The following SLC2A14 variants were observed in gnomAD, a reference collection of about 807,000 sequenced individuals.
SLC2A14 encodes the protein solute carrier family 2, facilitated glucose transporter member 14.
SLC2A14 carries 13 observed loss-of-function variants against 43.0 expected under a neutral mutation model. The ratio of observed to expected loss-of-function variants is 0.30; its 90% CI spans 0.20 to 0.48. The LOEUF (loss-of-function observed/expected upper bound fraction) is 0.48, where lower values mean the gene tolerates loss of function less well. Ranked by LOEUF, SLC2A14 falls within the 20% of genes least tolerant of loss-of-function variation. The pLI is 0.99. For missense variants in SLC2A14, 428 were observed against 620.4 expected (o/e 0.69, Z 3.29); for synonymous variants, 190 against 233.8 (o/e 0.81, Z 1.71).
intron 2 of SLC2A14, among the ~76,000 whole-genome samples, chr12:7,835,100 TAAAA>T (rs35514872): frequency 6.9e-6 from 1 of 144,074 alleles, no homozygotes. Context: ...GTAGCTCTAT[TAAAA>T]AAAAAAAAAA....
At chr12:7,847,084 CT>C (rs1348022922) in intron 2 of SLC2A14, among the ~76,000 whole-genome samples, 1 of 151,742 alleles carries the variant, frequency 6.6e-6, no homozygotes, top group Non-Finnish European at 1.5e-5. Flanking sequence ...GAAACCCTGT[CT>C]CTACTAAAAA....
intron 2 of SLC2A14, among the ~76,000 whole-genome samples, chr12:7,836,122 T>C (rs1045596055): frequency 2.0e-5 from 3 of 152,162 alleles, no homozygotes; most frequent in Non-Finnish European, 2.9e-5. Flanking sequence ...TAAATCAAAA[T>C]TTGAATCGTG....
chr12:7,872,562 T>C (rs1945294091), intron 1 of SLC2A14, among the ~76,000 whole-genome samples: 1 of 152,124 alleles, frequency 6.6e-6, no homozygotes, highest in Admixed American at 6.6e-5. Context: ...AGGGCTGGGG[T>C]GGCTTCGTTT....
chr12:7,882,411 C>G (rs55681724), intron 1 of SLC2A14, among the ~76,000 whole-genome samples: 3,027 of 152,164 alleles, frequency 0.02, 53 homozygotes, highest in Non-Finnish European at 0.034. Context: ...TAACACTAAC[C>G]GCGAGGGTCC....
chr12:7,879,579 G>A (rs1015085680), intron 1 of SLC2A14, among the ~76,000 whole-genome samples: 18 of 152,098 alleles, frequency 1.2e-4, no homozygotes, highest in Admixed American at 3.3e-4. Context: ...AGCTACTTGG[G>A]AGGCTAAGGC....
chr12:7,815,237 C>A (rs1863330257), intron 10 of SLC2A14, among the ~76,000 whole-genome samples: 1 of 151,690 alleles, frequency 6.6e-6, no homozygotes, highest in Non-Finnish European at 1.5e-5. Context: ...ATGGCAAAAC[C>A]CCGTCTCTAC....
At chr12:7,874,604 G>A (rs1592323548), upstream of SLC2A14, among the ~76,000 whole-genome samples, 1 of 150,260 alleles carries the variant, frequency 6.7e-6, no homozygotes, top group East Asian at 1.9e-4. Context: ...CCCGGGAGGT[G>A]GAGGTTGCAG....
chr12:7,822,492 C>T (rs1475938201), intron 7 of SLC2A14, among the ~76,000 whole-genome samples: 4 of 151,410 alleles, frequency 2.6e-5, no homozygotes, highest in South Asian at 2.1e-4. Context: ...GTGGTGAAAC[C>T]GTCTCTACTA....
chr12:7,836,834 C>CA (rs967224972), intron 2 of SLC2A14, among the ~76,000 whole-genome samples: 8 of 148,212 alleles, frequency 5.4e-5, no homozygotes, highest in South Asian at 2.1e-4. Context: ...TTCAATTTTA[C>CA]AAAAAAAAGA....
rs745428116 is a variant in SLC2A14 at position 7,814,488 on chromosome 12, A to G, written c.1322T>C (p.Ile441Thr). Reference protein sequence around the residue: ...YVFIIFTGFLITFLAFTFFKV... With the variant: ...YVFIIFTGFLTTFLAFTFFKV... ...GAAGAAGGTAAAGGCCAAGAAGGTA[A>G]TGAGGAAGCCGGTGAAGATAATAAA... Residue 441 changes from isoleucine to threonine, a missense_variant, in exon 11 of 11, where the codon ATT (isoleucine) becomes ACT (threonine). Ile to Thr is a moderately conservative substitution (Grantham distance 89, BLOSUM62 -1). Coordinates refer to ENST00000431042, the MANE Select transcript of SLC2A14 (RefSeq NM_001286234.2). 6.2e-7 allele frequency: 1 copy of G among 1,613,856 alleles called. No homozygotes were observed. The highest frequency in any genetic ancestry group is 8.5e-7 in the Non-Finnish European group (1 of 1,179,842).
chr12:7,817,740 AT>A lies in SLC2A14; in HGVS notation c.1275+90del, dbSNP rs1248392570. The A allele has an allele frequency of 7.6e-3, 7,088 of 935,194 alleles. 343 individuals are homozygous for A. The East Asian group carries it at 0.11, about 14-fold the overall frequency. The allele number at this position is 935,194 out of a possible 1,614,324, so 57.9% of individuals were successfully genotyped here. ...ACCAGGGCGAGACTCAGTCTCAAAA[AT>A]ATATATATATATAGATAGATAGATA... On this transcript the variant is annotated intron_variant, in intron 10 of 10. Coordinates refer to ENST00000431042, the MANE Select transcript of SLC2A14 (RefSeq NM_001286234.2).
chr12:7,852,957 C>T (rs1360590309), intron 2 of SLC2A14, among the ~76,000 whole-genome samples: 1 of 152,152 alleles, frequency 6.6e-6, no homozygotes, highest in Admixed American at 6.5e-5. Flanking sequence ...GCTTTGGTCT[C>T]TCTCAGGAAG....
intron 2 of SLC2A14, among the ~76,000 whole-genome samples, chr12:7,867,589 G>A (rs1241945490): frequency 4.6e-5 from 7 of 152,092 alleles, no homozygotes; most frequent in Non-Finnish European, 7.4e-5. Context: ...GCTCACACCT[G>A]TAATCCCAGC....
At chr12:7,868,912 A>G (rs1168768420) in intron 2 of SLC2A14, among the ~76,000 whole-genome samples, 1 of 152,102 alleles carries the variant, frequency 6.6e-6, no homozygotes, top group Non-Finnish European at 1.5e-5. Context: ...TGGGAGGCCG[A>G]GGCGGGCAGA....
At chr12:7,832,539 CTG>C (rs1283090333) in intron 3 of SLC2A14, among the ~76,000 whole-genome samples, 181 bp downstream of exon 3, 1 of 152,192 alleles carries the variant, frequency 6.6e-6, no homozygotes. Flanking sequence ...CCCTCACTAA[CTG>C]TGTTGCTCAG....
At chr12:7,873,194 C>T (rs954598996), upstream of SLC2A14, 3 of 985,448 alleles carry the variant, frequency 3.0e-6, no homozygotes, top group African/African-American at 3.5e-5. Flanking sequence ...AGTTTTGGGA[C>T]CCACCACCCT....
In SLC2A14 at chr12:7,878,976, CAAAAAAAAAAA is replaced by C. The variant is rs58838986; in HGVS notation, c.132+12009_132+12019del. Among the ~76,000 whole-genome samples the C allele has an allele frequency of 2.9e-3, 200 of 69,274 alleles. 1 individual carries two copies. Among genetic ancestry groups the C allele is most frequent in the African/African-American group, 0.011 (188 of 17,682 alleles). The allele number at this position is 69,274 out of a possible 152,430, so 45.4% of individuals were successfully genotyped here. A position where few individuals can be genotyped will look rare whatever the true frequency, so the allele number is the denominator to read the frequency against. ...TGGGCGACACAGCAAGAGTCCGTCT[CAAAAAAAAAAA>C]AAAAAAAAAAAAAAAAAACAATTTG... On this transcript the variant is annotated intron_variant, in intron 1 of 9. Transcript: ENST00000539924.
chr12:7,884,721 G>A (rs1369406612), intron 1 of SLC2A14, among the ~76,000 whole-genome samples: 3 of 152,080 alleles, frequency 2.0e-5, no homozygotes, highest in African/African-American at 7.2e-5. Flanking sequence ...TTGAGAAGGC[G>A]ATTCTCTTCT....
At chr12:7,835,069 G>C (rs986139199) in intron 2 of SLC2A14, among the ~76,000 whole-genome samples, 1 of 148,130 alleles carries the variant, frequency 6.8e-6, no homozygotes, top group Non-Finnish European at 1.5e-5. Flanking sequence ...TGTGTCATTT[G>C]ATTCCTTTTG....
Sources: allele counts gnomAD v4.1 joint callset (sites outside exome capture counted in the v4.1 genomes callset), GRCh38; gene constraint gnomAD v4.1.1; transcripts MANE v1.5; gene names NCBI Gene and HGNC (gene_info 2026-07-23, HGNC 2026-07-21).